Variants in ANKS1B observed in about 807,000 individuals in gnomAD.
ANKS1B encodes the protein ankyrin repeat and sterile alpha motif domain-containing protein 1B.
In ANKS1B, 36 loss-of-function variants were observed where a neutral mutation model predicts 148.3. The observed-to-expected ratio is 0.24, with a 90% confidence interval of 0.19 to 0.32. The LOEUF is 0.32. ANKS1B is among the 10% of genes least tolerant of loss of function. ANKS1B has a pLI of 1.00. For missense variants in ANKS1B, 1,157 were observed against 1,542.6 expected (o/e 0.75, Z 4.19); for synonymous variants, 542 against 560.8 (o/e 0.97, Z 0.47).
chr12:98,926,600 A>C (rs1034348529), intron 17 of ANKS1B, among the ~76,000 whole-genome samples: 11 of 152,290 alleles, frequency 7.2e-5, no homozygotes, highest in Middle Eastern at 3.4e-3. Context: ...ATCTATCATA[A>C]ATATGTTCAA....
intron 9 of ANKS1B, among the ~76,000 whole-genome samples, chr12:99,581,620 G>A (rs1338943381): frequency 2.0e-5 from 3 of 152,174 alleles, no homozygotes; most frequent in Non-Finnish European, 4.4e-5. Context: ...GCCGGGCGCG[G>A]TGGCTCACGC....
At chr12:98,853,708 G>A (rs913621310) in intron 17 of ANKS1B, among the ~76,000 whole-genome samples, 3 of 152,154 alleles carry the variant, frequency 2.0e-5, no homozygotes, top group Admixed American at 6.5e-5. Flanking sequence ...GTTCCTTTCA[G>A]AATTTATAAT....
At chr12:99,435,066 A>C (rs1379758617) in intron 11 of ANKS1B, among the ~76,000 whole-genome samples, 2 of 152,106 alleles carry the variant, frequency 1.3e-5, no homozygotes, top group African/African-American at 4.8e-5. Context: ...ATTTCATCAA[A>C]TGAATAGAAA....
chr12:99,139,505 T>A (rs558154562), intron 15 of ANKS1B, among the ~76,000 whole-genome samples: 35 of 133,572 alleles, frequency 2.6e-4, no homozygotes, highest in African/African-American at 1.0e-3. Context: ...CTTCAACTCC[T>A]GGTCTCAGGC....
intron 1 of ANKS1B, among the ~76,000 whole-genome samples, chr12:99,897,756 G>A (rs1279938139): frequency 6.7e-6 from 1 of 150,084 alleles, no homozygotes; most frequent in Non-Finnish European, 1.5e-5. Flanking sequence ...GCTTCAAGAT[G>A]AAGGTCTGAG....
intron 17 of ANKS1B, among the ~76,000 whole-genome samples, chr12:98,954,671 T>C (rs1358796771): frequency 6.6e-6 from 1 of 152,212 alleles, no homozygotes; most frequent in Admixed American, 6.5e-5. Flanking sequence ...TGTTGTCCAT[T>C]AGTTAACCAG....
In ANKS1B at chr12:98,769,993, T is replaced by C. The variant is rs756110762; in HGVS notation, c.3579+3049A>G. On this transcript the variant is annotated intron_variant, in intron 25 of 26. Coordinates refer to ENST00000683438, the MANE Select transcript of ANKS1B (RefSeq NM_001352186.2). ...ATGGCAGTAGGAAAACTTTGGAAGA[T>C]AAATACACATCTGACAAACCTATCT... 5.1e-4 allele frequency among the ~76,000 whole-genome samples: 78 copies of C among 152,202 alleles called. 1 individual carries two copies. The highest frequency in any genetic ancestry group is 8.8e-5 in the Non-Finnish European group (6 of 68,030).
chr12:99,150,491 C>T (rs1356529369), intron 15 of ANKS1B, among the ~76,000 whole-genome samples: 2 of 151,882 alleles, frequency 1.3e-5, no homozygotes, highest in Non-Finnish European at 2.9e-5. Flanking sequence ...TTGAGTTATA[C>T]CTTTGAGGAT....
At chr12:99,191,860 G>A (rs547106164) in intron 14 of ANKS1B, among the ~76,000 whole-genome samples, 2 of 152,172 alleles carry the variant, frequency 1.3e-5, no homozygotes, top group East Asian at 3.9e-4. Context: ...TTGGCTGGGT[G>A]CGGTGGCTCA....
intron 9 of ANKS1B, among the ~76,000 whole-genome samples, chr12:99,534,564 T>C (rs2097042438): frequency 6.6e-6 from 1 of 151,752 alleles, no homozygotes; most frequent in Non-Finnish European, 1.5e-5. Context: ...TTTCTACACA[T>C]AATAATTAAA....
At chr12:99,738,556 C>T (rs1442580530) in intron 8 of ANKS1B, among the ~76,000 whole-genome samples, 1 of 152,134 alleles carries the variant, frequency 6.6e-6, no homozygotes, top group Non-Finnish European at 1.5e-5. Flanking sequence ...ATAAATCTGA[C>T]TGACTTCTAG....
intron 15 of ANKS1B, among the ~76,000 whole-genome samples, chr12:99,125,421 A>G (rs957193890): frequency 2.6e-5 from 4 of 152,214 alleles, no homozygotes; most frequent in Non-Finnish European, 5.9e-5. Flanking sequence ...TGTCAGAGAA[A>G]TGTACCCAGG....
intron 1 of ANKS1B, among the ~76,000 whole-genome samples, chr12:99,895,688 T>G (rs1427600451): frequency 2.7e-5 from 4 of 150,504 alleles, no homozygotes; most frequent in Admixed American, 2.0e-4. Context: ...CAGAAATAGA[T>G]CCACATGAAC....
chr12:99,652,240 A>G (rs1380569821), intron 9 of ANKS1B, among the ~76,000 whole-genome samples: 3 of 152,112 alleles, frequency 2.0e-5, no homozygotes, highest in Admixed American at 2.0e-4. Context: ...TGGGAAGCCG[A>G]GGCGGGCAGA....
chr12:98,906,778 T>G (rs909704954), intron 17 of ANKS1B, among the ~76,000 whole-genome samples: 2 of 152,238 alleles, frequency 1.3e-5, no homozygotes, highest in Non-Finnish European at 2.9e-5. Context: ...ACAGCAACAA[T>G]GCATTATATA....
chr12:99,134,764 A>C (rs1376984547), intron 15 of ANKS1B, among the ~76,000 whole-genome samples: 9 of 151,776 alleles, frequency 5.9e-5, no homozygotes, highest in Non-Finnish European at 1.2e-4. Context: ...AAGACATTTT[A>C]AAAAGCCTTT....
chr12:99,809,775 A>T (rs2068096626), intron 3 of ANKS1B, among the ~76,000 whole-genome samples: 1 of 152,138 alleles, frequency 6.6e-6, no homozygotes, highest in Non-Finnish European at 1.5e-5. Flanking sequence ...TTAGAAACCA[A>T]AGATAACTTT....
intron 25 of ANKS1B, among the ~76,000 whole-genome samples, chr12:98,764,051 G>A (rs1028249121): frequency 7.2e-5 from 11 of 152,294 alleles, no homozygotes; most frequent in African/African-American, 2.6e-4. Flanking sequence ...CAGCAGCCCT[G>A]TCACACCCAT....
chr12:99,884,464 A>T (rs1230685505), intron 1 of ANKS1B, among the ~76,000 whole-genome samples: 1 of 152,256 alleles, frequency 6.6e-6, no homozygotes, highest in Non-Finnish European at 1.5e-5. Flanking sequence ...TATTTACAGT[A>T]GCTTTATTCA....
Sources: allele counts gnomAD v4.1 joint callset (sites outside exome capture counted in the v4.1 genomes callset), GRCh38; gene constraint gnomAD v4.1.1; transcripts MANE v1.5; gene names NCBI Gene and HGNC (gene_info 2026-07-23, HGNC 2026-07-21).